The following GALNT13 variants were observed in gnomAD, a reference collection of about 807,000 sequenced individuals.
GALNT13 encodes the protein polypeptide N-acetylgalactosaminyltransferase 13.
In GALNT13, 28 loss-of-function variants were observed where a neutral mutation model predicts 64.2. The observed-to-expected ratio is 0.44, with a 90% CI of 0.32 to 0.60. GALNT13 has a LOEUF of 0.60. GALNT13 is among the 20% of genes least tolerant of loss of function. The pLI, the probability that GALNT13 is intolerant of heterozygous loss-of-function variation, is 0.05. For missense variants in GALNT13, 577 were observed against 669.8 expected (o/e 0.86, Z 1.53); for synonymous variants, 214 against 224.6 (o/e 0.95, Z 0.42).
chr2:153,117,445 G>C, the GALNT13 span, among the ~76,000 whole-genome samples: 1 of 152,114 alleles, frequency 6.6e-6, no homozygotes, highest in Non-Finnish European at 1.5e-5. Context: ...TGGCCACCAA[G>C]CTTTATTAGA....
intron 9 of GALNT13, among the ~76,000 whole-genome samples, chr2:154,381,589 A>G (rs1411404189): frequency 6.6e-6 from 1 of 152,072 alleles, no homozygotes; most frequent in Non-Finnish European, 1.5e-5. Flanking sequence ...TAAGATGCAC[A>G]ACAAAACGTG....
In GALNT13 at chr2:154,348,420, C is replaced by G. The variant is rs536225152; in HGVS notation, c.1156+46831C>G. Among the ~76,000 whole-genome samples the G allele has an allele frequency of 2.0e-5, 3 of 151,736 alleles. No individual in the cohort carries two copies. The South Asian group carries it at 6.3e-4, about 32-fold the overall frequency. ...AATAGTTTCTCGGTGTTACAGTGTG[C>G]TTTGGTTGGTTGGTTGGTTTTAAGT... On this transcript the variant is annotated intron_variant, in intron 9 of 12. Transcript: ENST00000392825.
the GALNT13 span, among the ~76,000 whole-genome samples, chr2:153,527,612 A>T: frequency 5.3e-5 from 8 of 152,156 alleles, no homozygotes; most frequent in Non-Finnish European, 1.2e-4. Context: ...AACAGTAGGT[A>T]CTCAGAAAAA....
the GALNT13 span, among the ~76,000 whole-genome samples, chr2:153,393,267 A>ATTTTTTTTT: frequency 6.8e-6 from 1 of 146,044 alleles, no homozygotes; most frequent in Non-Finnish European, 1.5e-5. Flanking sequence ...AGAAGTCTCC[A>ATTTTTTTTT]TTTTTTTTTT....
chr2:154,422,911 A>T (rs1559146568), intron 11 of GALNT13, among the ~76,000 whole-genome samples: 1 of 151,762 alleles, frequency 6.6e-6, no homozygotes, highest in East Asian at 1.9e-4. Flanking sequence ...AGGTGGACTT[A>T]TTTTTTTTAT....
chr2:153,155,298 A>G, the GALNT13 span, among the ~76,000 whole-genome samples: 1 of 152,164 alleles, frequency 6.6e-6, no homozygotes, highest in Admixed American at 6.5e-5. Context: ...TAGGAATGGT[A>G]CCAGTTCTTC....
chr2:153,288,120 T>C, the GALNT13 span, among the ~76,000 whole-genome samples: 12 of 152,184 alleles, frequency 7.9e-5, no homozygotes, highest in Admixed American at 6.5e-4. Context: ...GCCCTTCTAC[T>C]TCTAGAATGG....
chr2:153,663,325 C>G, the GALNT13 span, among the ~76,000 whole-genome samples: 2 of 152,124 alleles, frequency 1.3e-5, no homozygotes, highest in East Asian at 3.8e-4. Flanking sequence ...ACTCTAATGT[C>G]ATAAAACTAG....
At chr2:154,380,500 A>G (rs766365044) in intron 9 of GALNT13, among the ~76,000 whole-genome samples, 19 of 152,088 alleles carry the variant, frequency 1.2e-4, no homozygotes, top group Non-Finnish European at 2.4e-4. Flanking sequence ...TAAGAAATTA[A>G]ATGATGACCT....
At position 154,450,564 on chromosome 2, in the gene GALNT13, C is replaced by G; in HGVS notation, c.*13C>G. ...CTTGGGCACATGAAGATCATGTCCT[C>G]CAAGCCATGAAAGTGTCTACGCTTT... On this transcript the variant is annotated 3_prime_UTR_variant, in exon 13 of 13. Transcript: ENST00000392825. 1 of 1,579,758 alleles carries G rather than the reference C, an allele frequency of 6.3e-7. No individual in the cohort carries two copies. Among genetic ancestry groups the G allele is most frequent in the Non-Finnish European group, 8.6e-7 (1 of 1,166,880 alleles).
chr2:153,440,108 C>G, the GALNT13 span, among the ~76,000 whole-genome samples: 14 of 152,048 alleles, frequency 9.2e-5, no homozygotes, highest in Admixed American at 2.6e-4. Context: ...CCTAGCCCCC[C>G]ACCCCCAACA....
chr2:153,954,748 A>G (rs566169653), intron 3 of GALNT13, among the ~76,000 whole-genome samples: 4 of 152,194 alleles, frequency 2.6e-5, no homozygotes, highest in South Asian at 2.1e-4. Flanking sequence ...CAAATGAGAA[A>G]CTGGGCTATG....
rs1380001575 is a variant in GALNT13 at position 154,368,358 on chromosome 2, G to C, written c.1157-27633G>C. On this transcript the variant is annotated intron_variant, in intron 9 of 12. Transcript: ENST00000392825. ...CATAGAAACCCCTGCCAACACTAAG[G>C]TCACACCCCTCTCTGGGGTGTGACT... Among the ~76,000 whole-genome samples the C allele has an allele frequency of 3.9e-5, 6 of 152,182 alleles. No homozygotes were observed. The South Asian group carries it at 1.2e-3, about 32-fold the overall frequency.
At chr2:153,410,872 T>G in the GALNT13 span, among the ~76,000 whole-genome samples, 8 of 148,856 alleles carry the variant, frequency 5.4e-5, no homozygotes, top group African/African-American at 2.0e-4. Context: ...TAAATATATA[T>G]TTAGAGAGAG....
the GALNT13 span, among the ~76,000 whole-genome samples, chr2:153,476,038 C>G: frequency 2.9e-3 from 441 of 152,266 alleles, 1 homozygote; most frequent in African/African-American, 0.01. Context: ...TGCCCCCTGC[C>G]CAGATACCAA....
intron 4 of GALNT13, among the ~76,000 whole-genome samples, chr2:154,201,198 G>A (rs1022771689): frequency 6.6e-6 from 1 of 152,064 alleles, no homozygotes; most frequent in Non-Finnish European, 1.5e-5. Flanking sequence ...CTGAATGACT[G>A]CAGAGTGATG....
At chr2:153,980,859 T>C (rs1382132470) in intron 3 of GALNT13, among the ~76,000 whole-genome samples, 1 of 152,144 alleles carries the variant, frequency 6.6e-6, no homozygotes. Flanking sequence ...AGCCGTAAGG[T>C]ATCGTGAAGG....
chr2:153,767,793 GTT>G, the GALNT13 span, among the ~76,000 whole-genome samples: 1,579 of 145,260 alleles, frequency 0.011, 24 homozygotes, highest in African/African-American at 0.035. Flanking sequence ...ACTTTTTAAT[GTT>G]TTTTTTTTTT....
chr2:153,957,647 T>G (rs1348938102), intron 3 of GALNT13, among the ~76,000 whole-genome samples: 3 of 152,208 alleles, frequency 2.0e-5, no homozygotes. Context: ...TGGGGGCTCT[T>G]GTCTAGGCAT....
Sources: gnomAD v4.1 joint callset for allele counts (sites outside exome capture counted in the v4.1 genomes callset) on GRCh38, gnomAD v4.1.1 for gene constraint, MANE v1.5 for transcripts, NCBI Gene and HGNC (gene_info 2026-07-23, HGNC 2026-07-21) for gene names.